Variants in DDI2 observed in about 807,000 individuals in gnomAD.
The protein encoded by DDI2 is protein DDI1 homolog 2.
DDI2 carries 5 observed loss-of-function variants against 48.1 expected under a neutral mutation model. The observed-to-expected ratio is 0.10, with a 90% CI of 0.05 to 0.22. The LOEUF is 0.22. Ranked by LOEUF, DDI2 falls within the 10% of genes least tolerant of loss-of-function variation. DDI2 has a pLI of 1.00. For missense variants in DDI2, 285 were observed against 506.2 expected (o/e 0.56, Z 4.19); for synonymous variants, 205 against 183.6 (o/e 1.12, Z -0.94).
At chr1:15,619,829 G>A (rs971734606) in intron 1 of DDI2, among the ~76,000 whole-genome samples, 7 of 152,094 alleles carry the variant, frequency 4.6e-5, no homozygotes, top group Non-Finnish European at 7.4e-5. Flanking sequence ...GGGAAAATAA[G>A]AAATTAAAAT....
Position 15,661,697 on chromosome 1 carries a change from CA to C in DDI2, c.*1913del, listed in dbSNP as rs1389902231. 3.1e-6 allele frequency: 5 copies of C among 1,606,536 alleles called. No individual in the cohort carries two copies. Among genetic ancestry groups the C allele is most frequent in the Non-Finnish European group, 4.2e-6 (5 of 1,177,034 alleles). ...GACCTTGCACTTCTTGTTTTGCTCG[CA>C]AAAAACATCGTAGTTCCTACATGAC... On this transcript the variant is annotated 3_prime_UTR_variant, in exon 10 of 10. Coordinates refer to ENST00000480945, the MANE Select transcript of DDI2 (RefSeq NM_032341.5).
intron 4 of DDI2, among the ~76,000 whole-genome samples, chr1:15,635,567 G>T (rs61782442): frequency 0.018 from 2,760 of 152,166 alleles, 28 homozygotes; most frequent in Non-Finnish European, 0.028. Context: ...CACCACGCCC[G>T]GCTATTTTGG....
Position 15,641,338 on chromosome 1 carries a change from G to T in DDI2, c.761-2184G>T, listed in dbSNP as rs555718787. Among the ~76,000 whole-genome samples the T allele has an allele frequency of 2.0e-5, 3 of 152,054 alleles. No individual in the cohort carries two copies. The South Asian group carries it at 6.2e-4, about 32-fold the overall frequency. ...AACACAAAATCAGCCAGGCATGATG[G>T]TGGCACACCTGTAATCCCAGCTACT... On this transcript the variant is annotated intron_variant, in intron 5 of 9. Transcript: ENST00000480945.
chr1:15,634,539 C>CTTTCTTTTTTTTTTTTT (rs1639898079), intron 4 of DDI2, among the ~76,000 whole-genome samples: 1 of 100,138 alleles, frequency 1.0e-5, no homozygotes, highest in Non-Finnish European at 1.8e-5. Flanking sequence ...TTCTTTTTAT[C>CTTTCTTTTTTTTTTTTT]TTTTTTTTTT....
intron 8 of DDI2, among the ~76,000 whole-genome samples, chr1:15,652,449 A>G (rs12742034): frequency 0.25 from 2,008 of 7,908 alleles, 120 homozygotes; most frequent in Non-Finnish European, 0.28. Flanking sequence ...GAGGCTCCGG[A>G]GGGGGGGGGG....
chr1:15,635,423 C>T (rs1419548160), intron 4 of DDI2, among the ~76,000 whole-genome samples: 2 of 152,060 alleles, frequency 1.3e-5, no homozygotes, highest in East Asian at 3.9e-4. Flanking sequence ...ACCCCAGGCC[C>T]AAGACGGAGT....
At chr1:15,654,652 G>T (rs1245661252) in intron 8 of DDI2, among the ~76,000 whole-genome samples, 1 of 138,000 alleles carries the variant, frequency 7.2e-6, no homozygotes, top group African/African-American at 2.8e-5. Context: ...GTGAGATCCT[G>T]TGTCCAAAAA....
intron 6 of DDI2, among the ~76,000 whole-genome samples, chr1:15,649,074 A>G (rs1229833272): frequency 6.6e-6 from 1 of 152,048 alleles, no homozygotes; most frequent in Non-Finnish European, 1.5e-5. Context: ...TCTCTACAAA[A>G]AGTTTTTGGC....
In DDI2 at chr1:15,660,627, A is replaced by C; in HGVS notation, c.*837A>C. ...CAGAAACATTTATGGAAATCGATAC[A>C]GCTCAACAGTCCCTAGTTACTTTGC... is the stretch of plus-strand genomic sequence containing the variant. On this transcript the variant is annotated 3_prime_UTR_variant, in exon 10 of 10. Transcript: ENST00000480945. 6.2e-7 allele frequency: 1 copy of C among 1,614,206 alleles called. No individual in the cohort carries two copies.
chr1:15,646,476 C>G (rs1473352447), intron 6 of DDI2, among the ~76,000 whole-genome samples: 10 of 152,168 alleles, frequency 6.6e-5, no homozygotes, highest in Admixed American at 6.5e-4. Flanking sequence ...CACCTGAGGT[C>G]AGGAGTTCGA....
At chr1:15,637,455 C>T (rs1293454647) in intron 4 of DDI2, among the ~76,000 whole-genome samples, 3 of 152,092 alleles carry the variant, frequency 2.0e-5, no homozygotes, top group South Asian at 2.1e-4. Flanking sequence ...GCAACCTCCG[C>T]CCCCCGGGTT....
intron 1 of DDI2, among the ~76,000 whole-genome samples, chr1:15,618,126 T>A (rs1306984630): frequency 1.3e-5 from 2 of 152,148 alleles, no homozygotes; most frequent in Admixed American, 6.5e-5. Flanking sequence ...CCCTTCCCTG[T>A]TTCTAATCCC....
At chr1:15,658,119 T>A (rs890416174) in intron 9 of DDI2, among the ~76,000 whole-genome samples, 2 of 152,188 alleles carry the variant, frequency 1.3e-5, no homozygotes. Flanking sequence ...GAAGTCATTT[T>A]TGTTACTGAC....
chr1:15,663,175 A>G lies in DDI2; in HGVS notation c.*3385A>G, dbSNP rs1640406151. On this transcript the variant is annotated 3_prime_UTR_variant, in exon 10 of 10. Coordinates refer to ENST00000480945, the MANE Select transcript of DDI2 (RefSeq NM_032341.5). ...AGATTATAGTTTGTAACATGTTTGA[A>G]ACAGAAGCTTCGAAAGAGTGATTTC... 6.6e-6 allele frequency: 1 copy of G among 152,236 alleles called. No individual in the cohort carries two copies. Among genetic ancestry groups the G allele is most frequent in the African/African-American group, 2.4e-5 (1 of 41,462 alleles). 9.4% of individuals were successfully genotyped at this position (152,236 alleles called of 1,614,324 possible). A position where few individuals can be genotyped will look rare whatever the true frequency, so the allele number is the denominator to read the frequency against.
intron 8 of DDI2, among the ~76,000 whole-genome samples, chr1:15,655,309 G>A (rs887349900): frequency 6.6e-6 from 1 of 152,142 alleles, no homozygotes; most frequent in Non-Finnish European, 1.5e-5. Context: ...CATAGTAGGT[G>A]AAAGTATTTT....
chr1:15,660,662 C>T lies in DDI2; in HGVS notation c.*872C>T. 6.2e-7 allele frequency: 1 copy of T among 1,614,182 alleles called. No individual in the cohort carries two copies. Among genetic ancestry groups the T allele is most frequent in the Non-Finnish European group, 8.5e-7 (1 of 1,180,042 alleles). ...TCCCTAGTTACTTTGCTTAATTCAA[C>T]AGGCAGGCAGAATGCCAATGTCAAG... is the stretch of plus-strand genomic sequence containing the variant. On this transcript the variant is annotated 3_prime_UTR_variant, in exon 10 of 10. Transcript: ENST00000480945.
intron 9 of DDI2, among the ~76,000 whole-genome samples, chr1:15,657,664 T>G (rs1167536730): frequency 6.6e-6 from 1 of 152,222 alleles, no homozygotes; most frequent in East Asian, 1.9e-4. Context: ...CAGAAGGCCC[T>G]TACCATACCT....
intron 5 of DDI2, among the ~76,000 whole-genome samples, chr1:15,640,506 C>T (rs1230150372): frequency 6.6e-6 from 1 of 152,176 alleles, no homozygotes; most frequent in Non-Finnish European, 1.5e-5. Flanking sequence ...ATCTCAACCA[C>T]TGTGCAAAAA....
intron 1 of DDI2, among the ~76,000 whole-genome samples, chr1:15,623,391 T>C (rs1346061895): frequency 2.0e-5 from 3 of 147,346 alleles, no homozygotes; most frequent in African/African-American, 7.6e-5. Context: ...CTTCTTCTTT[T>C]TTTTTTTTTT....
Sources: gnomAD v4.1 joint callset for allele counts (sites outside exome capture counted in the v4.1 genomes callset) on GRCh38, gnomAD v4.1.1 for gene constraint, MANE v1.5 for transcripts, NCBI Gene and HGNC (gene_info 2026-07-23, HGNC 2026-07-21) for gene names.